The following ZDHHC18 variants were observed in gnomAD, a reference collection of about 807,000 sequenced individuals.
The protein encoded by ZDHHC18 is zDHHC palmitoyltransferase 18.
Under a neutral mutation model 37.5 loss-of-function variants are expected in ZDHHC18, and 23 were observed. The ratio of observed to expected loss-of-function variants is 0.61; its 90% CI spans 0.44 to 0.87. ZDHHC18 has a LOEUF of 0.87. ZDHHC18 is among the 40% of genes least tolerant of loss of function. The pLI, the probability that ZDHHC18 is intolerant of heterozygous loss-of-function variation, is 0.00. For synonymous variants in ZDHHC18, 185 were observed against 218.7 expected, an observed-to-expected ratio of 0.85 and a Z score of 1.36; for missense variants, 406 against 525.6, an observed-to-expected ratio of 0.77 and a Z score of 2.22.
chr1:26,836,241 C>T (rs2081610823), intron 2 of ZDHHC18, among the ~76,000 whole-genome samples: 2 of 152,324 alleles, frequency 1.3e-5, no homozygotes, highest in South Asian at 4.1e-4. Flanking sequence ...CTGCGTCTCT[C>T]TCCACTGCCA....
intron 5 of ZDHHC18, 34 bp from the exon 6 acceptor site, chr1:26,851,095 C>A (rs775354127): frequency 1.3e-6 from 2 of 1,579,108 alleles, no homozygotes; most frequent in Non-Finnish European, 1.7e-6. Flanking sequence ...AGGCTCCCCA[C>A]CCTCCACCCA....
Position 26,850,801 on chromosome 1 carries a change from C to G in ZDHHC18, c.833+195C>G, listed in dbSNP as rs914304488. Among the ~76,000 whole-genome samples the G allele has an allele frequency of 1.3e-5, 2 of 152,156 alleles. No homozygotes were observed. Among genetic ancestry groups the G allele is most frequent in the African/African-American group, 2.4e-5 (1 of 41,432 alleles). On this transcript the variant is annotated intron_variant, in intron 5 of 7. Coordinates refer to ENST00000374142, the MANE Select transcript of ZDHHC18 (RefSeq NM_032283.3). This position sits in a 1 kb window ranked among gnomAD's most constrained non-coding sequence, Gnocchi z 6.1. ...ATGGGGCATTGTGGGGCCGGGGGTT[C>G]CTCGTCTTCAGGGGCCTGGAAAAGA...
intron 3 of ZDHHC18, among the ~76,000 whole-genome samples, chr1:26,849,767 G>A (rs1344841710): frequency 3.9e-5 from 6 of 152,212 alleles, no homozygotes; most frequent in African/African-American, 1.4e-4. Flanking sequence ...AGCAGGAGAC[G>A]GGTTGTTGAC....
In ZDHHC18 at chr1:26,850,583, C is replaced by T; in HGVS notation, c.810C>T (p.Ser270=). The T allele has an allele frequency of 6.2e-7, 1 of 1,614,204 alleles. No individual in the cohort carries two copies. The highest frequency in any genetic ancestry group is 8.5e-7 in the Non-Finnish European group (1 of 1,180,036). The change falls in exon 5 of 8, where the codon TCC becomes TCT. Residue 270 remains serine (S), a synonymous_variant. Transcript: ENST00000374142. This position sits in a 1 kb window ranked among gnomAD's most constrained non-coding sequence, Gnocchi z 6.1. ...GCGCTCAGGGAAGCAACTTCCTCTC[C>T]ACTCTGAAGGAGACACCAGCAAGAT... ...TLRAQGSNFL[S]TLKETPASVL...
chr1:26,832,506 T>C lies in ZDHHC18; in HGVS notation c.395T>C (p.Phe132Ser). ...ATCCCCATCATCGCTGCCATCCTCT[T>C]CTTCTTCGTCATGAGCTGCCTGCTG... ...LAIPIIAAIL[F>S]FFVMSCLLQT... Residue 132 changes from phenylalanine to serine, a missense_variant, in exon 2 of 8, where the codon TTC becomes TCC. Transcript: ENST00000374142. 2 of 1,614,128 alleles carry C rather than the reference T, an allele frequency of 1.2e-6. No individual in the cohort carries two copies. Among genetic ancestry groups the C allele is most frequent in the Non-Finnish European group, 1.7e-6 (2 of 1,180,016 alleles).
intron 2 of ZDHHC18, among the ~76,000 whole-genome samples, chr1:26,844,671 T>C (rs2081654813): frequency 6.6e-6 from 1 of 152,230 alleles, no homozygotes; most frequent in South Asian, 2.1e-4. Flanking sequence ...GTTGCTCTAC[T>C]TTTTTACCAA....
chr1:26,835,530 G>A (rs546369421), intron 2 of ZDHHC18, among the ~76,000 whole-genome samples: 38 of 152,194 alleles, frequency 2.5e-4, no homozygotes, highest in African/African-American at 9.2e-4. Context: ...GTGAAACCCT[G>A]TCTCTAGTAA....
chr1:26,828,204 C>T (rs2081567990), intron 1 of ZDHHC18, among the ~76,000 whole-genome samples: 1 of 135,046 alleles, frequency 7.4e-6, no homozygotes, highest in African/African-American at 2.7e-5. Context: ...CACGCCCACC[C>T]ACCCACCCTT....
rs76441062 is a variant in ZDHHC18, at chr1:26,834,025, C to G, written c.496+1418C>G. ...ACATCCAGCGTCCTACCCCTTCAAA[C>G]TCTGGGTCCCTGGCCACTCCTTCAG... On this transcript the variant is annotated intron_variant, in intron 2 of 7. Transcript: ENST00000374142. Among the ~76,000 whole-genome samples the G allele has an allele frequency of 3.3e-5, 5 of 152,332 alleles. No homozygotes were observed. The East Asian group carries it at 7.7e-4, about 24-fold the overall frequency.
In ZDHHC18 at chr1:26,850,552, C is replaced by G; in HGVS notation, c.785-6C>G. 6.2e-7 allele frequency: 1 copy of G among 1,614,172 alleles called. No individual in the cohort carries two copies. Among genetic ancestry groups the G allele is most frequent in the Non-Finnish European group, 8.5e-7 (1 of 1,180,030 alleles). ...AGCTTGTCCTCTCCTGTTTCTTTCT[C>G]CCCAGGCGCTCAGGGAAGCAACTTC... is the stretch of plus-strand genomic sequence containing the variant. On this transcript the variant is annotated splice_region_variant and splice_polypyrimidine_tract_variant and intron_variant, in intron 4 of 7. Transcript: ENST00000374142. This position sits in a 1 kb window ranked among gnomAD's most constrained non-coding sequence, Gnocchi z 6.1.
At chr1:26,829,853 G>T (rs1260323494) in intron 1 of ZDHHC18, among the ~76,000 whole-genome samples, 1 of 152,186 alleles carries the variant, frequency 6.6e-6, no homozygotes, top group East Asian at 1.9e-4. Context: ...TTAGCCTCTG[G>T]CAAATCAGGA....
chr1:26,829,428 A>C (rs539506569), intron 1 of ZDHHC18, among the ~76,000 whole-genome samples: 1 of 150,868 alleles, frequency 6.6e-6, no homozygotes, highest in East Asian at 2.0e-4. Context: ...CTCCGTGCAC[A>C]CTCCTACCTC....
chr1:26,849,370 T>A (rs907401883), intron 3 of ZDHHC18, among the ~76,000 whole-genome samples: 2 of 152,066 alleles, frequency 1.3e-5, no homozygotes, highest in Non-Finnish European at 2.9e-5. Context: ...AAATAATGCA[T>A]GAGAGGGCCC....
chr1:26,851,852 C>G (rs1454722124), intron 6 of ZDHHC18, among the ~76,000 whole-genome samples: 1 of 152,238 alleles, frequency 6.6e-6, no homozygotes, highest in East Asian at 1.9e-4. Context: ...TTGACCTTCC[C>G]TGCCTGCCAC....
intron 2 of ZDHHC18, among the ~76,000 whole-genome samples, chr1:26,847,437 C>A (rs754099818): frequency 2.0e-5 from 3 of 152,112 alleles, no homozygotes; most frequent in Non-Finnish European, 4.4e-5. Context: ...ATCTTGAACT[C>A]CTGGGCTCAA....
At position 26,856,408 on chromosome 1, in the gene ZDHHC18, C is replaced by G. The variant is rs1170149363; in HGVS notation, c.*2565C>G. Reference sequence around the variant, plus strand: ...GTGTGTGCTGGTGGTGGTAGGGTCTCCAGGGACTCCCCGCTAAGCAGAAGG... The same window carrying G: ...GTGTGTGCTGGTGGTGGTAGGGTCTGCAGGGACTCCCCGCTAAGCAGAAGG... On this transcript the variant is annotated 3_prime_UTR_variant, in exon 8 of 8. Transcript: ENST00000374142. This position sits in a 1 kb window ranked among gnomAD's most constrained non-coding sequence, Gnocchi z 5.2. 3.4e-6 allele frequency: 1 copy of G among 290,682 alleles called. No individual in the cohort carries two copies. Among genetic ancestry groups the G allele is most frequent in the Non-Finnish European group, 7.6e-6 (1 of 131,322 alleles). The allele number at this position is 290,682 out of a possible 1,614,324, so 18.0% of individuals were successfully genotyped here.
In ZDHHC18 at chr1:26,855,905, G is replaced by A. The variant is rs548447924; in HGVS notation, c.*2062G>A. The A allele has an allele frequency of 7.1e-4, 165 of 233,722 alleles. 1 individual carries two copies. The highest frequency in any genetic ancestry group is 3.4e-3 in the African/African-American group (153 of 44,756). 14.5% of individuals were successfully genotyped at this position (233,722 alleles called of 1,614,324 possible). ...TGTCCGCTGGAGGAAGAGCAGAGAG[G>A]GCTGCGGCTGAGCCCCCATGGGCAC... On this transcript the variant is annotated 3_prime_UTR_variant, in exon 8 of 8. Coordinates refer to ENST00000374142, the MANE Select transcript of ZDHHC18 (RefSeq NM_032283.3).
At chr1:26,836,632 A>C (rs1368752335) in intron 2 of ZDHHC18, among the ~76,000 whole-genome samples, 1 of 146,644 alleles carries the variant, frequency 6.8e-6, no homozygotes, top group Non-Finnish European at 1.5e-5. Flanking sequence ...GCAGTGGCAC[A>C]ATCTCAGCTC....
chr1:26,846,237 G>T (rs1418796799), intron 2 of ZDHHC18, among the ~76,000 whole-genome samples: 39 of 13,834 alleles, frequency 2.8e-3, no homozygotes, highest in Admixed American at 0.017. Context: ...TATATAGAGA[G>T]AGAGATATAT....
Sources: allele counts gnomAD v4.1 joint callset (sites outside exome capture counted in the v4.1 genomes callset), GRCh38; gene constraint gnomAD v4.1.1; non-coding constraint Gnocchi (gnomAD v3.1); transcripts MANE v1.5; gene names NCBI Gene and HGNC (gene_info 2026-07-23, HGNC 2026-07-21).